PRKAR1B: variants seen among roughly 807,000 people sequenced by gnomAD.
PRKAR1B encodes the protein cAMP-dependent protein kinase type I-beta regulatory subunit.
Under a neutral mutation model 46.5 loss-of-function variants are expected in PRKAR1B, and 22 were observed. The observed-to-expected ratio is 0.47, with a 90% CI of 0.34 to 0.68. PRKAR1B has a LOEUF of 0.68. PRKAR1B is among the 30% of genes least tolerant of loss of function. The pLI is 0.01. For missense variants in PRKAR1B, 445 were observed against 535.6 expected, an observed-to-expected ratio of 0.83 and a Z score of 1.67; for synonymous variants, 259 against 217.7, an observed-to-expected ratio of 1.19 and a Z score of -1.67.
rs1385638699 is a variant in PRKAR1B at position 644,556 on chromosome 7, C to T, written c.440+32673G>A. Among the ~76,000 whole-genome samples, 1 of 152,226 alleles carries T rather than the reference C, an allele frequency of 6.6e-6. No homozygotes were observed. The highest frequency in any genetic ancestry group is 2.4e-5 in the African/African-American group (1 of 41,470). On this transcript the variant is annotated intron_variant, in intron 4 of 10. Transcript: ENST00000537384. This position sits in a 1 kb window ranked among gnomAD's most constrained non-coding sequence, Gnocchi z 4.9. ...ACTCCCCGCTGCCAGGGAGCCCTCC[C>T]AGCACTGAGGGGGCACCAGTCTGGC...
chr7:627,909 G>A (rs915839653), intron 4 of PRKAR1B, among the ~76,000 whole-genome samples: 5 of 152,146 alleles, frequency 3.3e-5, no homozygotes, highest in African/African-American at 1.2e-4. Context: ...GGGAAATGGG[G>A]CACACACAGC....
Position 712,130 on chromosome 7 carries a change from G to C in PRKAR1B, c.-22-603C>G, listed in dbSNP as rs1021129030. Among the ~76,000 whole-genome samples the C allele has an allele frequency of 3.8e-3, 576 of 151,530 alleles. 13 individuals carry two copies. Among genetic ancestry groups the C allele is most frequent in the Non-Finnish European group, 1.9e-3 (126 of 67,646 alleles). ...GAAGTCACCATGGCCAGGCCAGGCC[G>C]GCACCGCACCGCGGGGCGCAGGACC... On this transcript the variant is annotated intron_variant, in intron 1 of 10. Transcript: ENST00000537384.
Position 714,019 on chromosome 7 carries a change from C to G in PRKAR1B, c.-22-2492G>C, listed in dbSNP as rs1462912382. Among the ~76,000 whole-genome samples the G allele has an allele frequency of 6.6e-6, 1 of 152,220 alleles. No homozygotes were observed. Among genetic ancestry groups the G allele is most frequent in the African/African-American group, 2.4e-5 (1 of 41,448 alleles). On this transcript the variant is annotated intron_variant, in intron 1 of 10. Coordinates refer to ENST00000537384, the MANE Select transcript of PRKAR1B (RefSeq NM_001164760.2). The surrounding 1 kb of genome is among the most constrained non-coding windows in gnomAD (Gnocchi z 4.3). Reference sequence around the variant, plus strand: ...ACTCAGACCTCTGGCTCTCCCAGCCCTGGCCTGCCTGGAGCTGCTGCTGAC... The same window carrying G: ...ACTCAGACCTCTGGCTCTCCCAGCCGTGGCCTGCCTGGAGCTGCTGCTGAC...
chr7:568,890 G>C (rs551192854), intron 9 of PRKAR1B, among the ~76,000 whole-genome samples: 1 of 152,068 alleles, frequency 6.6e-6, no homozygotes, highest in African/African-American at 2.4e-5. Context: ...CCCGAGATAC[G>C]GGTGGGAAAC....
rs561475359 is a variant in PRKAR1B, at chr7:667,839, C to T, written c.440+9390G>A. Reference sequence around the variant, plus strand: ...TGTGCAAAGGCCCAGGGAAACCCTTCGATCAAGGCCAACTAGCAATACCAC... The same window carrying T: ...TGTGCAAAGGCCCAGGGAAACCCTTTGATCAAGGCCAACTAGCAATACCAC... On this transcript the variant is annotated intron_variant, in intron 4 of 10. Transcript: ENST00000537384. This position sits in a 1 kb window ranked among gnomAD's most constrained non-coding sequence, Gnocchi z 4.3. 3.3e-5 allele frequency among the ~76,000 whole-genome samples: 5 copies of T among 152,282 alleles called. No homozygotes were observed. The highest frequency in any genetic ancestry group is 4.8e-5 in the African/African-American group (2 of 41,570).
chr7:619,013 TGCCATCACAGA>T (rs910740575), intron 4 of PRKAR1B, among the ~76,000 whole-genome samples: 1 of 152,216 alleles, frequency 6.6e-6, no homozygotes, highest in Non-Finnish European at 1.5e-5. Context: ...CTGCCTGGGC[TGCCATCACAGA>T]GCACCACAGA....
chr7:568,489 G>T (rs559315870), intron 9 of PRKAR1B, among the ~76,000 whole-genome samples: 1 of 152,214 alleles, frequency 6.6e-6, no homozygotes, highest in African/African-American at 2.4e-5. Flanking sequence ...GAGCTGGCCC[G>T]CCCCGGGCAT....
At position 596,131 on chromosome 7, in the gene PRKAR1B, T is replaced by C; in HGVS notation, c.708+15A>G. 6.2e-7 allele frequency: 1 copy of C among 1,608,306 alleles called. No homozygotes were observed. Among genetic ancestry groups the C allele is most frequent in the Non-Finnish European group, 8.5e-7 (1 of 1,175,814 alleles). ...GGTGGGTGTTGGCCTTCTCTGTGCT[T>C]GGGCACCAACTCACCATAAGGATGC... On this transcript the variant is annotated intron_variant, in intron 7 of 10. Coordinates refer to ENST00000537384, the MANE Select transcript of PRKAR1B (RefSeq NM_001164760.2).
chr7:568,827 C>G lies in PRKAR1B; in HGVS notation c.891+10429G>C, dbSNP rs559328042. The stretch of plus-strand genomic sequence containing the variant: ...GTCAGGGTAATCCGGGACCTTGGAA[C>G]CAGCCACTGCATTCCACATCTGTCT... On this transcript the variant is annotated intron_variant, in intron 9 of 10. Coordinates refer to ENST00000537384, the MANE Select transcript of PRKAR1B (RefSeq NM_001164760.2). Among the ~76,000 whole-genome samples, 17 of 152,334 alleles carry G rather than the reference C, an allele frequency of 1.1e-4. No homozygotes were observed. In the South Asian group the frequency reaches 3.3e-3, roughly 30 times the overall value.
In PRKAR1B at chr7:680,714, G is replaced by T. The variant is rs772109340; in HGVS notation, c.190C>A (p.Gln64Lys). The change falls in exon 3 of 11, where the codon CAG becomes AAG. Residue 64 changes from glutamine to lysine, a missense_variant. Physicochemically the swap from Gln to Lys is moderately conservative, Grantham distance 53. Around this residue, in one of 5 missense-constraint regions of PRKAR1B, gnomAD observed 155 missense variants for 127.5 expected, o/e 1.22. Coordinates refer to ENST00000537384, the MANE Select transcript of PRKAR1B (RefSeq NM_001164760.2). Reference sequence around the variant, plus strand: ...TTTGACTTTTGCCGCGCCAAAATCTGCCTGTTTTCTTCCTGTGTGGGAGAG... The same window carrying T: ...TTTGACTTTTGCCGCGCCAAAATCTTCCTGTTTTCTTCCTGTGTGGGAGAG... ...FEKLEKEENR[Q>K]ILARQKSNSQ... 1.9e-6 allele frequency: 3 copies of T among 1,613,972 alleles called. No individual in the cohort carries two copies. Among genetic ancestry groups the T allele is most frequent in the South Asian group, 1.1e-5 (1 of 91,064 alleles).
Position 685,295 on chromosome 7 carries a change from CATATATATATACGT to C in PRKAR1B, c.178-4583_178-4570del, listed in dbSNP as rs1778980119. On this transcript the variant is annotated intron_variant, in intron 2 of 10. Coordinates refer to ENST00000537384, the MANE Select transcript of PRKAR1B (RefSeq NM_001164760.2). ...GTATATATACGTATATATATGTATA[CATATATATATACGT>C]ATATATACGTATATATACGTATATA... is the stretch of plus-strand genomic sequence containing the variant. 2.8e-3 allele frequency among the ~76,000 whole-genome samples: 34 copies of C among 12,232 alleles called. 4 individuals carry two copies. Among genetic ancestry groups the C allele is most frequent in the Admixed American group, 0.026 (32 of 1,214 alleles). 8.0% of individuals were successfully genotyped at this position (12,232 alleles called of 152,430 possible).
intron 2 of PRKAR1B, among the ~76,000 whole-genome samples, chr7:692,308 G>A (rs562983066): frequency 1.3e-5 from 2 of 152,248 alleles, no homozygotes; most frequent in Admixed American, 6.5e-5. Flanking sequence ...GCTGAGGCAG[G>A]AGAATCGATT....
intron 6 of PRKAR1B, among the ~76,000 whole-genome samples, chr7:596,521 G>T (rs1418184177): frequency 6.6e-6 from 1 of 152,214 alleles, no homozygotes; most frequent in Non-Finnish European, 1.5e-5. Context: ...AGCCACGGTG[G>T]GACAGCATCA....
chr7:653,399 G>C (rs996728943), intron 4 of PRKAR1B, among the ~76,000 whole-genome samples: 3 of 152,200 alleles, frequency 2.0e-5, no homozygotes, highest in Non-Finnish European at 4.4e-5. Flanking sequence ...CGTTCAGAAG[G>C]AAAGTGAGGG....
intron 1 of PRKAR1B, among the ~76,000 whole-genome samples, chr7:725,619 A>G (rs1475196189): frequency 1.3e-5 from 2 of 152,240 alleles, no homozygotes; most frequent in Admixed American, 1.3e-4. Context: ...CAAAGATGAT[A>G]ACAGCCCTTT....
In PRKAR1B at chr7:711,390, C is replaced by T; in HGVS notation, c.116G>A (p.Cys39Tyr). The change falls in exon 2 of 11, where the codon TGC (cysteine) becomes TAC (tyrosine). Residue 39 changes from cysteine to tyrosine, a missense_variant. This residue lies in a region of PRKAR1B where 155 missense variants were observed against 127.5 expected (regional missense o/e 1.22). Transcript: ENST00000537384. ...CATGGGGCGTTCGGGCTTGGAGATG[C>T]AGAGGTGGACGATACAGTCTTTGAG... ...QVLKDCIVHL[C>Y]ISKPERPMKF... 1 of 1,614,220 alleles carries T rather than the reference C, an allele frequency of 6.2e-7. No homozygotes were observed. The highest frequency in any genetic ancestry group is 2.2e-5 in the East Asian group (1 of 44,880).
chr7:700,190 C>G (rs980801116), intron 2 of PRKAR1B, among the ~76,000 whole-genome samples: 1 of 152,176 alleles, frequency 6.6e-6, no homozygotes. Context: ...GAGGACTGAG[C>G]TGCAAGCAAA....
chr7:681,136 C>T (rs535563531), intron 2 of PRKAR1B, among the ~76,000 whole-genome samples: 2 of 152,184 alleles, frequency 1.3e-5, no homozygotes, highest in East Asian at 1.9e-4. Context: ...CTCAGCACTT[C>T]TCCTTCCTGC....
chr7:712,653 C>G (rs1159855852), intron 1 of PRKAR1B: 5 of 125,136 alleles, frequency 4.0e-5, no homozygotes, highest in African/African-American at 8.7e-5. Context: ...TCTCCCCGCC[C>G]CCGCCCCATC....
Sources: allele counts gnomAD v4.1 joint callset (sites outside exome capture counted in the v4.1 genomes callset), GRCh38; gene constraint gnomAD v4.1.1; regional missense constraint gnomAD v4.1.1; non-coding constraint Gnocchi (gnomAD v3.1); transcripts MANE v1.5; gene names NCBI Gene and HGNC (gene_info 2026-07-23, HGNC 2026-07-21).